Variants in THSD7B observed in about 807,000 individuals in gnomAD.
THSD7B encodes the protein thrombospondin type 1 domain containing 7B.
In THSD7B, 138 loss-of-function variants were observed where a neutral mutation model predicts 213.6. The observed-to-expected ratio is 0.65, with a 90% CI of 0.56 to 0.74. The LOEUF is 0.74. Ranked by LOEUF, THSD7B falls within the 30% of genes least tolerant of loss-of-function variation. The pLI, the probability that THSD7B is intolerant of heterozygous loss-of-function variation, is 0.00. For synonymous variants in THSD7B, 742 were observed against 687.0 expected, an observed-to-expected ratio of 1.08 and a Z score of -1.25; for missense variants, 1,931 against 1,991.5, an observed-to-expected ratio of 0.97 and a Z score of 0.58.
chr2:137,280,511 G>A (rs930206184), intron 12 of THSD7B, among the ~76,000 whole-genome samples: 3 of 152,080 alleles, frequency 2.0e-5, no homozygotes, highest in South Asian at 2.1e-4. Flanking sequence ...GATTTCATTC[G>A]TGTAATAATT....
At chr2:137,675,421 T>TGCATGCC (rs1208729541) in intron 27 of THSD7B, among the ~76,000 whole-genome samples, 4 of 36,530 alleles carry the variant, frequency 1.1e-4, no homozygotes, top group African/African-American at 1.8e-4. Context: ...TATATATATA[T>TGCATGCC]ATATATATAT....
chr2:137,305,555 A>G (rs1289490855), intron 12 of THSD7B, among the ~76,000 whole-genome samples: 1 of 152,154 alleles, frequency 6.6e-6, no homozygotes, highest in Admixed American at 6.5e-5. Context: ...TTGGAGTCCC[A>G]GAAGCTAAAG....
At chr2:137,199,406 A>G in intron 7 of THSD7B, among the ~76,000 whole-genome samples, 1 of 152,170 alleles carries the variant, frequency 6.6e-6, no homozygotes, top group East Asian at 1.9e-4. Flanking sequence ...TCTTCCCTCT[A>G]GTCCCAGTAA....
At chr2:137,299,927 A>G (rs143732857) in intron 12 of THSD7B, among the ~76,000 whole-genome samples, 236 of 152,238 alleles carry the variant, frequency 1.6e-3, no homozygotes, top group African/African-American at 5.3e-3. Context: ...ATTATATGCA[A>G]TCTTATACAT....
intron 21 of THSD7B, among the ~76,000 whole-genome samples, chr2:137,649,016 G>A (rs1216651853): frequency 2.6e-5 from 4 of 152,066 alleles, no homozygotes; most frequent in Non-Finnish European, 4.4e-5. Context: ...TTTCTGATAA[G>A]TACTAATGTT....
intron 7 of THSD7B, among the ~76,000 whole-genome samples, chr2:137,213,800 C>A (rs1573890280): frequency 6.6e-6 from 1 of 152,070 alleles, no homozygotes; most frequent in Non-Finnish European, 1.5e-5. Flanking sequence ...ATAATGGCTA[C>A]TGGGTCGTGA....
rs572105603 is a variant in THSD7B, at chr2:137,307,259, A to T, written c.2500+31233A>T. On this transcript the variant is annotated intron_variant, in intron 12 of 27. Coordinates refer to ENST00000409968, the MANE Select transcript of THSD7B (RefSeq NM_001316349.2). ...TTTAGGCCTTATTCTAACACTTCTG[A>T]TATTGGTGCTACTAGTAGAACTGTG... Among the ~76,000 whole-genome samples the T allele has an allele frequency of 3.3e-5, 5 of 152,182 alleles. No individual in the cohort carries two copies. The East Asian group carries it at 9.7e-4, about 29-fold the overall frequency.
intron 1 of THSD7B, among the ~76,000 whole-genome samples, chr2:136,781,526 C>A (rs1040866243): frequency 6.6e-6 from 1 of 151,896 alleles, no homozygotes; most frequent in African/African-American, 2.4e-5. Context: ...CCCTTCTCGG[C>A]CTCCCAAAGT....
At chr2:136,794,013 T>A (rs1359365232) in intron 1 of THSD7B, among the ~76,000 whole-genome samples, 1 of 151,786 alleles carries the variant, frequency 6.6e-6, no homozygotes, top group African/African-American at 2.4e-5. Context: ...TTTGACAGAT[T>A]TATTGCTATA....
rs545610861 is a variant in THSD7B, at chr2:136,807,673, A to T, written c.-36+41986A>T. Among the ~76,000 whole-genome samples the T allele has an allele frequency of 2.0e-5, 3 of 151,748 alleles. No homozygotes were observed. The South Asian group carries it at 6.3e-4, about 32-fold the overall frequency. On this transcript the variant is annotated intron_variant, in intron 1 of 27. Coordinates refer to ENST00000409968, the MANE Select transcript of THSD7B (RefSeq NM_001316349.2). The stretch of plus-strand genomic sequence containing the variant: ...AGGCGCCCGCCACCAGGCCTGGCTA[A>T]TTTTTTGTATTTTTAGTAGAGATGG...
chr2:137,241,248 T>C (rs1477140418), intron 9 of THSD7B, among the ~76,000 whole-genome samples: 1 of 152,210 alleles, frequency 6.6e-6, no homozygotes, highest in East Asian at 1.9e-4. Flanking sequence ...CTTCTTTATA[T>C]GAAACTTATG....
chr2:137,139,280 T>C (rs60370523), intron 5 of THSD7B, among the ~76,000 whole-genome samples: 2,109 of 152,294 alleles, frequency 0.014, 60 homozygotes, highest in African/African-American at 0.048. Context: ...GTTAACTAGA[T>C]TGCAGTTAGT....
rs925533414 is a variant in THSD7B at position 136,925,922 on chromosome 2, T to C, written c.139+43605T>C. On this transcript the variant is annotated intron_variant, in intron 2 of 27. Transcript: ENST00000409968. ...CTTTCCTCCTAAACACACATTTTAC[T>C]GATATTGTTAGTAAAGGAAATTATA... Among the ~76,000 whole-genome samples the C allele has an allele frequency of 3.3e-5, 5 of 152,310 alleles. No individual in the cohort carries two copies. The South Asian group carries it at 1.0e-3, about 32-fold the overall frequency.
intron 1 of THSD7B, among the ~76,000 whole-genome samples, chr2:136,864,002 A>G (rs1461939924): frequency 4.6e-5 from 7 of 152,334 alleles, no homozygotes; most frequent in Admixed American, 3.9e-4. Context: ...TTTGTGCTGC[A>G]TGACGGAGGG....
intron 2 of THSD7B, among the ~76,000 whole-genome samples, chr2:136,916,376 G>T (rs1235353081): frequency 6.6e-6 from 1 of 152,140 alleles, no homozygotes; most frequent in Non-Finnish European, 1.5e-5. Flanking sequence ...TAAAAATAAT[G>T]GCATTCCTGG....
chr2:137,319,785 C>A lies in THSD7B; in HGVS notation c.2500+43759C>A, dbSNP rs150677847. Among the ~76,000 whole-genome samples the A allele has an allele frequency of 5.4e-3, 826 of 152,182 alleles. 7 individuals carry two copies. Among genetic ancestry groups the A allele is most frequent in the African/African-American group, 0.018 (754 of 41,508 alleles). ...TTTTAGAGGTGCCAGCTTAAAAAAT[C>A]ATTGTTTTCCAGATTTTCTTAAGGC... On this transcript the variant is annotated intron_variant, in intron 12 of 27. Transcript: ENST00000409968.
chr2:137,069,881 T>A (rs1202841583), intron 3 of THSD7B, among the ~76,000 whole-genome samples: 1 of 150,588 alleles, frequency 6.6e-6, no homozygotes, highest in Non-Finnish European at 1.5e-5. Flanking sequence ...AAAACATATA[T>A]ATAGCTATAT....
At chr2:137,586,295 C>T (rs1281338073) in intron 17 of THSD7B, among the ~76,000 whole-genome samples, 1 of 152,152 alleles carries the variant, frequency 6.6e-6, no homozygotes, top group Non-Finnish European at 1.5e-5. Flanking sequence ...ATCCAATTTG[C>T]CAGTCTGTGT....
At chr2:137,378,900 A>T (rs543368939) in intron 12 of THSD7B, among the ~76,000 whole-genome samples, 2 of 152,178 alleles carry the variant, frequency 1.3e-5, no homozygotes, top group Non-Finnish European at 2.9e-5. Context: ...TGTGACCCAC[A>T]TGTGTATTAG....
Sources: allele counts gnomAD v4.1 joint callset (sites outside exome capture counted in the v4.1 genomes callset), GRCh38; gene constraint gnomAD v4.1.1; transcripts MANE v1.5; gene names NCBI Gene and HGNC (gene_info 2026-07-23, HGNC 2026-07-21).